KIAA1614: variants seen among roughly 807,000 people sequenced by gnomAD.
KIAA1614 encodes KIAA1614.
In KIAA1614, 76 loss-of-function variants were observed where a neutral mutation model predicts 88.7. That is an observed-to-expected ratio of 0.86 (90% CI 0.71 to 1.04). The LOEUF (loss-of-function observed/expected upper bound fraction) is 1.04, where lower values mean the gene tolerates loss of function less well. KIAA1614 is among the 50% of genes least tolerant of loss of function. The probability of loss-of-function intolerance (pLI) is 0.00; values close to 1 mark genes in which losing one functional copy is unlikely to be tolerated. For missense variants in KIAA1614, 1,553 were observed against 1,582.5 expected (o/e 0.98, Z 0.32); for synonymous variants, 714 against 675.5 (o/e 1.06, Z -0.88).
chr1:180,933,649 C>G (rs1036128889), intron 4 of KIAA1614, among the ~76,000 whole-genome samples: 1 of 152,146 alleles, frequency 6.6e-6, no homozygotes, highest in Non-Finnish European at 1.5e-5. Flanking sequence ...TTACCTGGCT[C>G]CAGGTGGCCC....
chr1:180,934,750 TAACA>T (rs1268177672), intron 4 of KIAA1614, among the ~76,000 whole-genome samples: 1 of 152,162 alleles, frequency 6.6e-6, no homozygotes, highest in African/African-American at 2.4e-5. Context: ...TTCCTCTCCC[TAACA>T]GACACACACA....
intron 3 of KIAA1614, 155 bp from the exon 4 acceptor site, chr1:180,928,275 C>A: frequency 1.1e-6 from 1 of 911,924 alleles, no homozygotes; most frequent in Non-Finnish European, 1.6e-6. Context: ...GGCCCCCAGG[C>A]TGGGTTCCCT....
At chr1:180,913,963 T>C (rs1397591818) in intron 1 of KIAA1614, 1 of 152,240 alleles carries the variant, frequency 6.6e-6, no homozygotes, top group African/African-American at 2.4e-5. Flanking sequence ...TTTCGCATTA[T>C]ATGTGTATTT....
intron 7 of KIAA1614, among the ~76,000 whole-genome samples, chr1:180,941,863 T>C (rs1203280851): frequency 4.6e-5 from 7 of 152,242 alleles, no homozygotes; most frequent in Non-Finnish European, 1.0e-4. Flanking sequence ...ATTCTTCTTT[T>C]AACACGCTTG....
intron 3 of KIAA1614, among the ~76,000 whole-genome samples, chr1:180,925,675 A>C (rs1654051633): frequency 1.3e-5 from 2 of 152,232 alleles, no homozygotes; most frequent in Admixed American, 1.3e-4. Context: ...AAACTGGCCG[A>C]GACGGGAGTG....
intron 4 of KIAA1614, among the ~76,000 whole-genome samples, chr1:180,934,052 C>G (rs1167098056): frequency 1.3e-5 from 2 of 152,168 alleles, no homozygotes; most frequent in African/African-American, 4.8e-5. Flanking sequence ...GTCGGGAGTT[C>G]AAGACCAGCC....
intron 7 of KIAA1614, among the ~76,000 whole-genome samples, 171 bp downstream of exon 7, chr1:180,941,456 C>T (rs1654463004): frequency 6.6e-6 from 1 of 152,138 alleles, no homozygotes; most frequent in African/African-American, 2.4e-5. Flanking sequence ...TTGGGTTCCC[C>T]TAGAACCAAG....
chr1:180,916,474 G>T lies in KIAA1614; in HGVS notation c.371G>T (p.Gly124Val), dbSNP rs747204923. ...KKPQCRRGKA[G>V]RAGTPSEGSF... ...CCCCAATGCAGACGAGGCAAGGCAG[G>T]GAGAGCCGGGACTCCATCAGAGGGG... Residue 124 changes from glycine to valine, a missense_variant, in exon 2 of 9, where the codon GGG becomes GTG. Physicochemically the swap from Gly to Val is moderately radical, Grantham distance 109 (BLOSUM62 -3). Coordinates refer to ENST00000367588, the MANE Select transcript of KIAA1614 (RefSeq NM_020950.2). 6.2e-7 allele frequency: 1 copy of T among 1,614,158 alleles called. No individual in the cohort carries two copies. Among genetic ancestry groups the T allele is most frequent in the South Asian group, 1.1e-5 (1 of 91,084 alleles).
chr1:180,927,472 A>G (rs1342026603), intron 3 of KIAA1614, among the ~76,000 whole-genome samples: 1 of 152,216 alleles, frequency 6.6e-6, no homozygotes, highest in African/African-American at 2.4e-5. Flanking sequence ...ACCTTGAACA[A>G]TGTGCCAGCG....
chr1:180,934,984 A>C (rs1654281271), intron 4 of KIAA1614, 131 bp from the exon 5 acceptor site: 1 of 581,134 alleles, frequency 1.7e-6, no homozygotes, highest in African/African-American at 1.9e-5. Context: ...CTCTGGAGTA[A>C]CCTTGTGGGT....
chr1:180,944,389 GT>G lies in KIAA1614; in HGVS notation c.3161del (p.Val1054GlyfsTer20). 6.2e-7 allele frequency: 1 copy of G among 1,613,274 alleles called. No homozygotes were observed. On this transcript the variant is annotated frameshift_variant and splice_region_variant, in exon 8 of 9. Coordinates refer to ENST00000367588, the MANE Select transcript of KIAA1614 (RefSeq NM_020950.2). LOFTEE classifies it high-confidence loss of function. ...RAPSLQSLHP[V>X]SPSHQRRKAA... The stretch of plus-strand genomic sequence containing the variant: ...CGCAATATTGTCCCTTTCTCATCAG[GT>G]GTCACCCTCTCACCAGCGTCGGAAA...
chr1:180,925,591 A>G (rs1235167447), intron 3 of KIAA1614, among the ~76,000 whole-genome samples: 2 of 152,218 alleles, frequency 1.3e-5, no homozygotes, highest in South Asian at 2.1e-4. Context: ...TGGCTAGGAG[A>G]GCAATGGTGG....
chr1:180,930,033 A>G (rs1654159837), intron 4 of KIAA1614, among the ~76,000 whole-genome samples: 1 of 152,204 alleles, frequency 6.6e-6, no homozygotes, highest in African/African-American at 2.4e-5. Context: ...TCAGAAGACC[A>G]TAAATCCTGG....
Position 180,948,051 on chromosome 1 carries a change from G to A in KIAA1614, c.*2463G>A, listed in dbSNP as rs1654636070. 6.6e-6 allele frequency: 1 copy of A among 152,242 alleles called. No homozygotes were observed. Among genetic ancestry groups the A allele is most frequent in the Non-Finnish European group, 1.5e-5 (1 of 68,058 alleles). The allele number at this position is 152,242 out of a possible 1,614,324, so 9.4% of individuals were successfully genotyped here. On this transcript the variant is annotated 3_prime_UTR_variant, in exon 9 of 9. Coordinates refer to ENST00000367588, the MANE Select transcript of KIAA1614 (RefSeq NM_020950.2). ...CCGTCAGGGAGCTCTGATGGGCAGG[G>A]GTCTCTAGTGACCCAGGGCCCCCGG...
At chr1:180,931,567 T>C (rs769252460) in intron 4 of KIAA1614, among the ~76,000 whole-genome samples, 3 of 152,278 alleles carry the variant, frequency 2.0e-5, no homozygotes, top group Non-Finnish European at 2.9e-5. Flanking sequence ...CCTGCCTTTA[T>C]GCACAGTTGC....
chr1:180,932,907 T>G (rs1022510511), intron 4 of KIAA1614, among the ~76,000 whole-genome samples: 1 of 152,154 alleles, frequency 6.6e-6, no homozygotes, highest in African/African-American at 2.4e-5. Context: ...TCCCGGCTAA[T>G]TTTTTCTATT....
intron 3 of KIAA1614, among the ~76,000 whole-genome samples, chr1:180,926,103 C>T (rs957079658): frequency 6.6e-5 from 10 of 152,338 alleles, no homozygotes; most frequent in East Asian, 1.9e-4. Flanking sequence ...GGCAAAAAGC[C>T]GTCTCTTCTT....
Position 180,945,569 on chromosome 1 carries a change from CT to C in KIAA1614, c.3558del (p.Leu1187TrpfsTer16). 6.2e-7 allele frequency: 1 copy of C among 1,612,030 alleles called. No homozygotes were observed. Among genetic ancestry groups the C allele is most frequent in the Non-Finnish European group, 8.5e-7 (1 of 1,179,484 alleles). ...QGRAFWLWSE[A>X]FLVFG is the part of the protein sequence containing the mutation. ...AGGGCCTTCTGGCTGTGGTCAGAGGCTTTTCTGGTCTTTGGCTGAGCCGTGC... is the reference window on the plus strand; with the variant it reads ...AGGGCCTTCTGGCTGTGGTCAGAGGCTTTCTGGTCTTTGGCTGAGCCGTGC... On this transcript the variant is annotated frameshift_variant, in exon 9 of 9. Coordinates refer to ENST00000367588, the MANE Select transcript of KIAA1614 (RefSeq NM_020950.2). LOFTEE classifies it high-confidence loss of function.
chr1:180,924,809 A>G (rs1231475370), intron 3 of KIAA1614, among the ~76,000 whole-genome samples: 1 of 151,944 alleles, frequency 6.6e-6, no homozygotes, highest in African/African-American at 2.4e-5. Flanking sequence ...AGGTGACTTT[A>G]GTACATATTC....
Sources: gnomAD v4.1 joint callset for allele counts (sites outside exome capture counted in the v4.1 genomes callset) on GRCh38, gnomAD v4.1.1 for gene constraint, MANE v1.5 for transcripts, NCBI Gene and HGNC (gene_info 2026-07-23, HGNC 2026-07-21) for gene names.